Variants in FAT1 observed in about 807,000 individuals in gnomAD.
The protein encoded by FAT1 is FAT atypical cadherin 1.
In FAT1, 171 loss-of-function variants were observed where a neutral mutation model predicts 329.8. The observed-to-expected ratio is 0.52, with a 90% CI of 0.46 to 0.59. FAT1 has a LOEUF of 0.59. FAT1 is among the 20% of genes least tolerant of loss of function. The pLI is 0.00. For missense variants in FAT1, 5,672 were observed against 5,774.4 expected, an observed-to-expected ratio of 0.98 and a Z score of 0.57; for synonymous variants, 2,233 against 2,228.6, an observed-to-expected ratio of 1.00 and a Z score of -0.06.
At chr4:186,605,000 CCT>C (rs1362319276) in intron 17 of FAT1, among the ~76,000 whole-genome samples, 2 of 150,500 alleles carry the variant, frequency 1.3e-5, no homozygotes, top group Non-Finnish European at 2.9e-5. Flanking sequence ...GGGCGGATCA[CCT>C]GAGGTCAGGA....
At position 186,607,441 on chromosome 4, in the gene FAT1, G is replaced by T. The variant is rs1739200722; in HGVS notation, c.10207-1228C>A. 2.2e-5 allele frequency among the ~76,000 whole-genome samples: 3 copies of T among 137,404 alleles called. No individual in the cohort carries two copies. In the Admixed American group the frequency reaches 2.3e-4, roughly 10 times the overall value. The allele number at this position is 137,404 out of a possible 152,430, so 90.1% of individuals were successfully genotyped here. A position where few individuals can be genotyped will look rare whatever the true frequency, so the allele number is the denominator to read the frequency against. On this transcript the variant is annotated intron_variant, in intron 16 of 26. Coordinates refer to ENST00000441802, the MANE Select transcript of FAT1 (RefSeq NM_005245.4). ...TGAATAACTGTATAGATGGGTGAAT[G>T]AATGGGTAAGTGGATACATGGGTGG...
chr4:186,629,466 A>G (rs536103383), intron 7 of FAT1, among the ~76,000 whole-genome samples: 28 of 152,308 alleles, frequency 1.8e-4, no homozygotes, highest in South Asian at 4.1e-4. Context: ...GCTAAATTAG[A>G]AACAAACAAA....
At chr4:186,622,706 T>A (rs1740104360) in intron 9 of FAT1, among the ~76,000 whole-genome samples, 1 of 152,180 alleles carries the variant, frequency 6.6e-6, no homozygotes, top group Admixed American at 6.5e-5. Context: ...AAACAAGCAG[T>A]TCTCTACAGC....
chr4:186,667,338 C>T (rs544800022), intron 2 of FAT1, among the ~76,000 whole-genome samples: 2 of 152,144 alleles, frequency 1.3e-5, no homozygotes, highest in Admixed American at 1.3e-4. Context: ...CCCCGGTAAT[C>T]TACGGATATT....
Position 186,600,298 on chromosome 4 carries a change from A to G in FAT1, c.11703T>C (p.Val3901=). 1 of 1,613,810 alleles carries G rather than the reference A, an allele frequency of 6.2e-7. No individual in the cohort carries two copies. Among genetic ancestry groups the G allele is most frequent in the East Asian group, 2.2e-5 (1 of 44,866 alleles). Residue 3901 remains valine (V), a synonymous_variant, in exon 22 of 27, where the codon GTT becomes GTC. Coordinates refer to ENST00000441802, the MANE Select transcript of FAT1 (RefSeq NM_005245.4). ...GCCCATCATTGACCTGAATGCTCTG[A>G]ACAGAGACAATTCCAGGGCCACTTC... ...DCGSGPGIVS[V]QSIQVNDGQW...
At chr4:186,668,485 G>A (rs1258513246) in intron 2 of FAT1, among the ~76,000 whole-genome samples, 1 of 152,190 alleles carries the variant, frequency 6.6e-6, no homozygotes, top group East Asian at 1.9e-4. Flanking sequence ...CCAACTCCAA[G>A]AAGCTAAACA....
At chr4:186,645,126 T>C (rs1366522312) in intron 3 of FAT1, among the ~76,000 whole-genome samples, 2 of 151,798 alleles carry the variant, frequency 1.3e-5, no homozygotes, top group Non-Finnish European at 2.9e-5. Flanking sequence ...CGTGGTCTAG[T>C]CATTCGTGCT....
intron 2 of FAT1, among the ~76,000 whole-genome samples, chr4:186,683,492 G>A (rs1263633191): frequency 6.6e-6 from 1 of 152,134 alleles, no homozygotes; most frequent in Non-Finnish European, 1.5e-5. Context: ...ATGCATGGAA[G>A]GGCATTCACC....
rs2126524720 is a variant in FAT1, at chr4:186,621,375, T to C, written c.5211A>G (p.Ile1737Met). The change falls in exon 10 of 27, where the codon ATA becomes ATG. Residue 1737 changes from isoleucine (I) to methionine (M), a missense_variant. This residue lies in a region of FAT1 where 3,966 missense variants were observed against 3,915.2 expected (regional missense o/e 1.01). Transcript: ENST00000441802. Reference sequence around the variant, plus strand: ...ACAAACCAGCCATGTTAGTTCCTTGTATTATCAATGTGTAAATGGGCAAAG... The same window carrying C: ...ACAAACCAGCCATGTTAGTTCCTTGCATTATCAATGTGTAAATGGGCAAAG... ...FETLPIYTLI[I>M]QGTNMAGLST... is the part of the protein sequence containing the mutation. 1.2e-6 allele frequency: 2 copies of C among 1,614,032 alleles called. No individual in the cohort carries two copies. The highest frequency in any genetic ancestry group is 1.7e-6 in the Non-Finnish European group (2 of 1,179,894).
chr4:186,707,763 G>T lies in FAT1; in HGVS notation c.2065C>A (p.Gln689Lys). ...CCCTGGTTGTGTAATTTATTTGCCT[G>T]CAGGAGCTTCTCTGCCAGCATTTTG... ...VAKMLAEKLL[Q>K]ANKLHNQGEV... Residue 689 changes from glutamine (Q) to lysine (K), a missense_variant, in exon 2 of 27, where the codon CAG becomes AAG. By Grantham distance (53) the Gln-to-Lys change is moderately conservative. Coordinates refer to ENST00000441802, the MANE Select transcript of FAT1 (RefSeq NM_005245.4). The T allele has an allele frequency of 4.3e-6, 7 of 1,613,658 alleles. No homozygotes were observed. The highest frequency in any genetic ancestry group is 5.9e-6 in the Non-Finnish European group (7 of 1,179,900).
In FAT1 at chr4:186,621,105, A is replaced by C. The variant is rs748091532; in HGVS notation, c.5481T>G (p.Gly1827=). The C allele has an allele frequency of 8.0e-5, 129 of 1,613,672 alleles. 1 individual carries two copies. In the South Asian group the frequency reaches 1.4e-3, roughly 17 times the overall value. Reference sequence around the variant, plus strand: ...CCAGACTTAGTACTGTATGAATAGCACCAGTGCTAGAATCAATAGCAAAAT... The same window carrying C: ...CCAGACTTAGTACTGTATGAATAGCCCCAGTGCTAGAATCAATAGCAAAAT... The part of the protein sequence containing the change: ...HTYFAIDSST[G]AIHTVLSLDY... Residue 1827 remains glycine (G), a synonymous_variant, in exon 10 of 27, where the codon GGT becomes GGG. Coordinates refer to ENST00000441802, the MANE Select transcript of FAT1 (RefSeq NM_005245.4).
chr4:186,709,406 T>G lies in FAT1; in HGVS notation c.422A>C (p.Asp141Ala). The G allele has an allele frequency of 1.2e-6, 2 of 1,613,976 alleles. No individual in the cohort carries two copies. The highest frequency in any genetic ancestry group is 1.7e-6 in the Non-Finnish European group (2 of 1,179,894). ...GAATAACGGTCTCAAGTCATTTGTA[T>G]CCAGCACCTGCACCCTGACCTTTGT... ...ARTKVRVQVL[D>A]TNDLRPLFSP... Residue 141 changes from aspartate (D) to alanine (A), a missense_variant, in exon 2 of 27, where the codon GAT (aspartate) becomes GCT (alanine). Around this residue, in one of 2 missense-constraint regions of FAT1, gnomAD observed 3,966 missense variants for 3,915.2 expected, o/e 1.01. Transcript: ENST00000441802.
At chr4:186,595,983 C>A (rs1398872791) in intron 25 of FAT1, among the ~76,000 whole-genome samples, 157 bp from the exon 26 acceptor site, 1 of 152,008 alleles carries the variant, frequency 6.6e-6, no homozygotes, top group Non-Finnish European at 1.5e-5. Context: ...CAAACTCAAA[C>A]GAAGAAATAA....
At chr4:186,644,888 A>C (rs756331648) in intron 3 of FAT1, among the ~76,000 whole-genome samples, 24 of 152,220 alleles carry the variant, frequency 1.6e-4, no homozygotes, top group Non-Finnish European at 3.1e-4. Context: ...TGTACTGTCC[A>C]CTCAGAAAGT....
chr4:186,644,685 T>A (rs1579378381), intron 3 of FAT1, among the ~76,000 whole-genome samples: 1 of 152,174 alleles, frequency 6.6e-6, no homozygotes, highest in African/African-American at 2.4e-5. Context: ...TGTTTCAATA[T>A]AAAATTGTGC....
At position 186,615,237 on chromosome 4, in the gene FAT1, A is replaced by G. The variant is rs1249110497; in HGVS notation, c.9076-893T>C. Among the ~76,000 whole-genome samples, 4 of 152,096 alleles carry G rather than the reference A, an allele frequency of 2.6e-5. No homozygotes were observed. The East Asian group carries it at 7.7e-4, about 29-fold the overall frequency. ...TGCTGTAAGAGAGAGAGAATGTCGC[A>G]CCCCTTCTGAAAATATAAAGTACAA... On this transcript the variant is annotated intron_variant, in intron 11 of 26. Coordinates refer to ENST00000441802, the MANE Select transcript of FAT1 (RefSeq NM_005245.4).
At chr4:186,675,688 A>C (rs1313381252) in intron 2 of FAT1, among the ~76,000 whole-genome samples, 1 of 151,750 alleles carries the variant, frequency 6.6e-6, no homozygotes, top group Non-Finnish European at 1.5e-5. Context: ...GCTGCAGTGA[A>C]CCATGACCAC....
In FAT1 at chr4:186,596,756, T is replaced by C. The variant is rs2126389465; in HGVS notation, c.12784A>G (p.Ser4262Gly). The change falls in exon 25 of 27, where the codon AGT (serine) becomes GGT (glycine). Residue 4262 changes from serine to glycine, a missense_variant. This residue lies in a region of FAT1 where 1,706 missense variants were observed against 1,859.1 expected (regional missense o/e 0.92). Coordinates refer to ENST00000441802, the MANE Select transcript of FAT1 (RefSeq NM_005245.4). The surrounding 1 kb of genome is among the most constrained non-coding windows in gnomAD (Gnocchi z 4.7). Reference protein sequence around the residue: ...RPISYTPSIPSDSRNNLDRNS... With the variant: ...RPISYTPSIPGDSRNNLDRNS... ...CGGTCCAGATTGTTTCTTGAGTCAC[T>C]TGGAATACTCGGGGTGTAGGAAATA... 7 of 1,613,976 alleles carry C rather than the reference T, an allele frequency of 4.3e-6. No individual in the cohort carries two copies. Among genetic ancestry groups the C allele is most frequent in the Non-Finnish European group, 5.9e-6 (7 of 1,179,888 alleles).
chr4:186,643,302 C>A (rs573749453), intron 3 of FAT1, among the ~76,000 whole-genome samples: 1 of 152,152 alleles, frequency 6.6e-6, no homozygotes. Flanking sequence ...CTGCAAGAAA[C>A]CCTGCAGGGT....
Sources: gnomAD v4.1 joint callset for allele counts (sites outside exome capture counted in the v4.1 genomes callset) on GRCh38, gnomAD v4.1.1 for gene constraint, gnomAD v4.1.1 regional missense constraint, Gnocchi (gnomAD v3.1) non-coding constraint, MANE v1.5 for transcripts, NCBI Gene and HGNC (gene_info 2026-07-23, HGNC 2026-07-21) for gene names.